The following POLN variants were observed in gnomAD, a reference collection of about 807,000 sequenced individuals.
POLN encodes the protein DNA polymerase N.
Under a neutral mutation model 113.5 loss-of-function variants are expected in POLN, and 108 were observed. The ratio of observed to expected loss-of-function variants is 0.95; its 90% CI spans 0.81 to 1.12. The LOEUF is 1.12. POLN is among the 50% of genes most tolerant of loss of function. The pLI is 0.00. For missense variants in POLN, 1,097 were observed against 1,077.1 expected, an observed-to-expected ratio of 1.02 and a Z score of -0.26; for synonymous variants, 386 against 391.5, an observed-to-expected ratio of 0.99 and a Z score of 0.17.
chr4:2,175,382 T>C (rs1162052173), intron 9 of POLN, among the ~76,000 whole-genome samples: 2 of 152,198 alleles, frequency 1.3e-5, no homozygotes, highest in African/African-American at 2.4e-5. Flanking sequence ...CTTCACTCTT[T>C]TTCATTTTTA....
intron 2 of POLN, among the ~76,000 whole-genome samples, chr4:2,237,608 T>G (rs1734812574): frequency 6.6e-6 from 1 of 152,202 alleles, no homozygotes; most frequent in Non-Finnish European, 1.5e-5. Context: ...TTTTCTGTTA[T>G]GTGAAAGCTA....
At chr4:2,129,056 CAA>C (rs542873881) in intron 18 of POLN, 121 bp downstream of exon 18, 21,549 of 281,762 alleles carry the variant, frequency 0.076, no homozygotes, top group South Asian at 0.11. Context: ...ACTCTTGTCT[CAA>C]AAAAAAAAAA....
At chr4:2,118,105 A>G (rs1215877031) in intron 19 of POLN, among the ~76,000 whole-genome samples, 1 of 152,236 alleles carries the variant, frequency 6.6e-6, no homozygotes, top group Non-Finnish European at 1.5e-5. Flanking sequence ...TCCTTTGTCT[A>G]GACTTCACTG....
Position 2,072,049 on chromosome 4 carries a change from A to G in POLN, c.*65T>C, listed in dbSNP as rs1360531178. On this transcript the variant is annotated 3_prime_UTR_variant, in exon 26 of 26. Transcript: ENST00000511885. ...CGTCCTGGGGCGTACAGAGCTGGTGACCTTGGGGAAGGCCACACAATGGAC... is the reference window on the plus strand; with the variant it reads ...CGTCCTGGGGCGTACAGAGCTGGTGGCCTTGGGGAAGGCCACACAATGGAC... The G allele has an allele frequency of 6.4e-7, 1 of 1,551,500 alleles. No individual in the cohort carries two copies.
intron 22 of POLN, 56 bp from the exon 23 acceptor site, chr4:2,081,092 T>C: frequency 6.2e-7 from 1 of 1,611,924 alleles, no homozygotes; most frequent in Non-Finnish European, 8.5e-7. Flanking sequence ...CATGGTGCAC[T>C]CAGCATTCTG....
intron 3 of POLN, among the ~76,000 whole-genome samples, chr4:2,226,426 T>C (rs995657761): frequency 3.9e-5 from 6 of 152,362 alleles, no homozygotes; most frequent in East Asian, 1.9e-4. Flanking sequence ...GTGGTTGCCA[T>C]AAAAGGCAGG....
chr4:2,096,113 C>G (rs1363947711), intron 19 of POLN, among the ~76,000 whole-genome samples, 180 bp from the exon 20 acceptor site: 1 of 152,208 alleles, frequency 6.6e-6, no homozygotes, highest in Non-Finnish European at 1.5e-5. Context: ...GCAAGGGCCC[C>G]AGGCAGATGC....
intron 16 of POLN, among the ~76,000 whole-genome samples, chr4:2,156,133 A>G (rs986670597): frequency 6.6e-6 from 1 of 152,198 alleles, no homozygotes; most frequent in Non-Finnish European, 1.5e-5. Context: ...CGCCTGGCCT[A>G]AAAAATTGTA....
At chr4:2,217,407 A>G (rs1415997459) in intron 3 of POLN, among the ~76,000 whole-genome samples, 1 of 152,148 alleles carries the variant, frequency 6.6e-6, no homozygotes, top group Non-Finnish European at 1.5e-5. Flanking sequence ...TGCCAGCACC[A>G]ATGATGTCAT....
intron 7 of POLN, among the ~76,000 whole-genome samples, chr4:2,191,302 A>G (rs1158471396): frequency 6.6e-6 from 1 of 151,190 alleles, no homozygotes; most frequent in Non-Finnish European, 1.5e-5. Context: ...ATGAAGGTAG[A>G]GTAGATTGGT....
intron 16 of POLN, among the ~76,000 whole-genome samples, chr4:2,134,840 G>A (rs1195488275): frequency 6.6e-6 from 1 of 152,214 alleles, no homozygotes; most frequent in Admixed American, 6.5e-5. Context: ...TAGAAAGTAT[G>A]TAATACGTGC....
intron 16 of POLN, among the ~76,000 whole-genome samples, chr4:2,142,615 G>C (rs1732030830): frequency 6.6e-6 from 1 of 152,132 alleles, no homozygotes; most frequent in Non-Finnish European, 1.5e-5. Flanking sequence ...TTTGCCTAAT[G>C]TGTCCCAGAC....
At chr4:2,078,763 T>C (rs1730336097) in intron 23 of POLN, 1 of 985,326 alleles carries the variant, frequency 1.0e-6, no homozygotes, top group African/African-American at 1.7e-5. Flanking sequence ...AAGCATTTCC[T>C]CGTGACAGCC....
intron 19 of POLN, among the ~76,000 whole-genome samples, chr4:2,101,712 G>C (rs989029981): frequency 6.6e-6 from 1 of 152,250 alleles, no homozygotes; most frequent in Non-Finnish European, 1.5e-5. Context: ...CTAGGCATTA[G>C]GAAAACTTGG....
At chr4:2,205,071 T>G (rs1733810972) in intron 5 of POLN, among the ~76,000 whole-genome samples, 1 of 152,076 alleles carries the variant, frequency 6.6e-6, no homozygotes, top group South Asian at 2.1e-4. Flanking sequence ...TTCAATATAG[T>G]ATTGGAAGTC....
chr4:2,239,007 T>G (rs143565122), intron 2 of POLN: 2 of 1,545,048 alleles, frequency 1.3e-6, no homozygotes, highest in South Asian at 2.5e-5. Context: ...CTGGTCAAGC[T>G]AGAAATTTTA....
chr4:2,115,951 T>A (rs1731307598), intron 19 of POLN, among the ~76,000 whole-genome samples: 1 of 152,344 alleles, frequency 6.6e-6, no homozygotes, highest in East Asian at 1.9e-4. Flanking sequence ...AGGAGACCCA[T>A]GTGTTTCAGA....
intron 23 of POLN, chr4:2,078,372 C>T (rs1730325578): frequency 6.1e-6 from 1 of 164,182 alleles, no homozygotes; most frequent in South Asian, 2.0e-4. Context: ...AAACGAATGC[C>T]ATTTCCCTGT....
intron 1 of POLN, 41 bp downstream of exon 1, chr4:2,242,010 C>T (rs1735008477): frequency 4.1e-6 from 4 of 985,502 alleles, no homozygotes; most frequent in Non-Finnish European, 1.2e-6. Flanking sequence ...CTCCTCCAGC[C>T]CCACACCCCT....
Sources: allele counts gnomAD v4.1 joint callset (sites outside exome capture counted in the v4.1 genomes callset), GRCh38; gene constraint gnomAD v4.1.1; transcripts MANE v1.5; gene names NCBI Gene and HGNC (gene_info 2026-07-23, HGNC 2026-07-21).